Variants in TMED8 observed in about 807,000 individuals in gnomAD.
The protein encoded by TMED8 is transmembrane p24 trafficking protein family member 8.
In TMED8, 15 loss-of-function variants were observed where a neutral mutation model predicts 32.7. The observed-to-expected ratio is 0.46, with a 90% CI of 0.31 to 0.71. The LOEUF is 0.71. TMED8 is among the 30% of genes least tolerant of loss of function. The pLI, the probability that TMED8 is intolerant of heterozygous loss-of-function variation, is 0.06. For synonymous variants in TMED8, 147 were observed against 161.4 expected (o/e 0.91, Z 0.68); for missense variants, 390 against 423.9 (o/e 0.92, Z 0.70).
rs1263086457 is a variant in TMED8, at chr14:77,336,678, G to A, written c.*5093C>T. 6 of 147,960 alleles carry A rather than the reference G, an allele frequency of 4.1e-5. No individual in the cohort carries two copies. In the South Asian group the frequency reaches 6.4e-4, roughly 16 times the overall value. The allele number at this position is 147,960 out of a possible 1,614,324, so 9.2% of individuals were successfully genotyped here. A position where few individuals can be genotyped will look rare whatever the true frequency, so the allele number is the denominator to read the frequency against. ...CCCTAATTTTATTTTGTTTTCCCTC[G>A]TTGTGATCAATTTTAAAAGACAGTT... is the stretch of plus-strand genomic sequence containing the variant. On this transcript the variant is annotated 3_prime_UTR_variant, in exon 6 of 6. Coordinates refer to ENST00000216468, the MANE Select transcript of TMED8 (RefSeq NM_213601.3).
Position 77,343,292 on chromosome 14 carries a change from C to T in TMED8, c.646G>A (p.Gly216Ser). 1 of 1,614,184 alleles carries T rather than the reference C, an allele frequency of 6.2e-7. No individual in the cohort carries two copies. The highest frequency in any genetic ancestry group is 8.5e-7 in the Non-Finnish European group (1 of 1,180,040). ...WEFATDDYDI[G>S]FGVYFDWTPV... ...GTCCAGTCAAAATAAACTCCAAAGC[C>T]AATGTCATAGTCATCGGTCGCAAAC... The change falls in exon 5 of 6, where the codon GGC becomes AGC. Residue 216 changes from glycine (G) to serine (S), a missense_variant. Transcript: ENST00000216468.
At chr14:77,342,984 G>C (rs189525992) in intron 5 of TMED8, among the ~76,000 whole-genome samples, 194 bp downstream of exon 5, 73 of 152,184 alleles carry the variant, frequency 4.8e-4, no homozygotes, top group African/African-American at 1.6e-3. Flanking sequence ...GGAAAAAGAG[G>C]CTTTCTTTCA....
chr14:77,375,250 C>A (rs1303044175), intron 1 of TMED8, among the ~76,000 whole-genome samples: 1 of 151,810 alleles, frequency 6.6e-6, no homozygotes, highest in Non-Finnish European at 1.5e-5. Flanking sequence ...TATCACCCTG[C>A]ATTCTGAGGG....
Position 77,376,956 on chromosome 14 carries a change from C to T in TMED8, c.98G>A (p.Gly33Glu). Residue 33 changes from glycine (G) to glutamate (E), a missense_variant, in exon 1 of 6, where the codon GGG becomes GAG. Gly to Glu is a moderately conservative substitution (Grantham distance 98, BLOSUM62 -2). Coordinates refer to ENST00000216468, the MANE Select transcript of TMED8 (RefSeq NM_213601.3). The surrounding 1 kb of genome is among the most constrained non-coding windows in gnomAD (Gnocchi z 4.0). ...CGTACCTGAGGCGGCCGCCTGGCTCCCCTCCACTCCCTGGCAGTCCCCGAC... is the reference window on the plus strand; with the variant it reads ...CGTACCTGAGGCGGCCGCCTGGCTCTCCTCCACTCCCTGGCAGTCCCCGAC... ...GGVGDCQGVEGSQAAASENED... is the reference protein window; with the variant it reads ...GGVGDCQGVEESQAAASENED... 2 of 1,458,150 alleles carry T rather than the reference C, an allele frequency of 1.4e-6. No homozygotes were observed. The highest frequency in any genetic ancestry group is 1.8e-6 in the Non-Finnish European group (2 of 1,112,888). 90.3% of individuals were successfully genotyped at this position (1,458,150 alleles called of 1,614,324 possible).
At chr14:77,358,353 G>A (rs1034107503) in intron 1 of TMED8, among the ~76,000 whole-genome samples, 6 of 151,520 alleles carry the variant, frequency 4.0e-5, no homozygotes, top group South Asian at 2.1e-4. Flanking sequence ...CCAGGCTAGA[G>A]TGCAGTGGCG....
At position 77,364,303 on chromosome 14, in the gene TMED8, T is replaced by C. The variant is rs1893501986; in HGVS notation, c.119-12552A>G. The stretch of plus-strand genomic sequence containing the variant: ...GCAGCCTTGACCTCTAGGGCTCAAG[T>C]GTAGTTTTGCAATCACAGCTCACTG... On this transcript the variant is annotated intron_variant, in intron 1 of 5. Transcript: ENST00000216468. Among the ~76,000 whole-genome samples, 5 of 152,072 alleles carry C rather than the reference T, an allele frequency of 3.3e-5. No individual in the cohort carries two copies. In the South Asian group the frequency reaches 1.0e-3, roughly 31 times the overall value.
intron 1 of TMED8, among the ~76,000 whole-genome samples, chr14:77,368,665 C>T (rs1408351035): frequency 1.3e-5 from 2 of 152,084 alleles, no homozygotes; most frequent in Non-Finnish European, 2.9e-5. Flanking sequence ...TTAGTAGAGA[C>T]AGGGTTTCAC....
At chr14:77,346,303 T>G (rs76071665) in intron 3 of TMED8, 46 bp downstream of exon 3, 47,105 of 1,604,396 alleles carry the variant, frequency 0.029, 912 homozygotes, top group Non-Finnish European at 0.036. Flanking sequence ...TGTGTCCACA[T>G]TCTGGTGCCT....
At chr14:77,351,455 G>T (rs1182249456) in intron 2 of TMED8, among the ~76,000 whole-genome samples, 2 of 134,244 alleles carry the variant, frequency 1.5e-5, no homozygotes, top group Non-Finnish European at 3.2e-5. Flanking sequence ...TAGAGACGGG[G>T]TTTCACTGTG....
chr14:77,369,758 CTAA>C (rs1231793229), intron 1 of TMED8, among the ~76,000 whole-genome samples: 1 of 152,214 alleles, frequency 6.6e-6, no homozygotes, highest in East Asian at 1.9e-4. Context: ...CCCATATTTT[CTAA>C]TTGTCCCTGA....
intron 1 of TMED8, among the ~76,000 whole-genome samples, 194 bp from the exon 2 acceptor site, chr14:77,351,945 T>A (rs1893189250): frequency 6.6e-6 from 1 of 152,176 alleles, no homozygotes; most frequent in South Asian, 2.1e-4. Context: ...GACAGTCATA[T>A]CTCATTCATA....
intron 1 of TMED8, among the ~76,000 whole-genome samples, chr14:77,371,657 A>C (rs1188702235): frequency 1.3e-5 from 2 of 152,220 alleles, no homozygotes; most frequent in African/African-American, 4.8e-5. Context: ...CAGAAGTATA[A>C]AGTGTGGGAG....
In TMED8 at chr14:77,377,002, G is replaced by T; in HGVS notation, c.52C>A (p.Arg18Ser). The change falls in exon 1 of 6, where the codon CGC becomes AGC. Residue 18 changes from arginine to serine, a missense_variant. Physicochemically the swap from Arg to Ser is moderately radical, Grantham distance 110. Coordinates refer to ENST00000216468, the MANE Select transcript of TMED8 (RefSeq NM_213601.3). ...EGPGSWSPTA[R>S]PGSAGGVGDC... ...CCGACGCCGCCAGCCGACCCTGGGC[G>T]GGCTGTGGGGCTCCAGGAGCCCGGC... is the stretch of plus-strand genomic sequence containing the variant. 1.4e-6 allele frequency: 2 copies of T among 1,425,720 alleles called. No individual in the cohort carries two copies. Among genetic ancestry groups the T allele is most frequent in the Non-Finnish European group, 9.1e-7 (1 of 1,099,388 alleles). The allele number at this position is 1,425,720 out of a possible 1,614,324, so 88.3% of individuals were successfully genotyped here.
intron 1 of TMED8, among the ~76,000 whole-genome samples, chr14:77,375,765 G>A (rs920987862): frequency 1.6e-4 from 25 of 152,146 alleles, no homozygotes; most frequent in Admixed American, 1.4e-3. Context: ...CACCTCTGGC[G>A]GCACAGGAAG....
intron 5 of TMED8, 31 bp from the exon 6 acceptor site, chr14:77,342,019 G>A (rs1892916142): frequency 1.2e-6 from 2 of 1,602,418 alleles, no homozygotes; most frequent in East Asian, 4.5e-5. Flanking sequence ...AGTGTTCAGA[G>A]ACTGCGTAAG....
chr14:77,358,540 G>T (rs1332076668), intron 1 of TMED8, among the ~76,000 whole-genome samples: 1 of 152,048 alleles, frequency 6.6e-6, no homozygotes, highest in African/African-American at 2.4e-5. Flanking sequence ...CTCGTGATCT[G>T]CCCGCCTCAG....
chr14:77,366,955 C>A (rs923842210), intron 1 of TMED8, among the ~76,000 whole-genome samples: 2 of 151,994 alleles, frequency 1.3e-5, no homozygotes, highest in African/African-American at 4.8e-5. Context: ...TTTTAAAAAC[C>A]TTTTCTAGGC....
At chr14:77,368,502 G>A (rs1893605630) in intron 1 of TMED8, among the ~76,000 whole-genome samples, 1 of 152,022 alleles carries the variant, frequency 6.6e-6, no homozygotes, top group African/African-American at 2.4e-5. Flanking sequence ...TTTTGAGACG[G>A]AGTCTCACTC....
chr14:77,349,628 G>T lies in TMED8; in HGVS notation c.197+2045C>A, dbSNP rs1406707613. 2.6e-5 allele frequency among the ~76,000 whole-genome samples: 4 copies of T among 152,098 alleles called. No individual in the cohort carries two copies. In the East Asian group the frequency reaches 7.7e-4, roughly 29 times the overall value. ...GTTAACTGAAGACTTCCTTCCTGCA[G>T]GTTTTCTGCTGAGAGGTTTCTCAGA... On this transcript the variant is annotated intron_variant, in intron 2 of 5. Coordinates refer to ENST00000216468, the MANE Select transcript of TMED8 (RefSeq NM_213601.3).
Sources: allele counts gnomAD v4.1 joint callset (sites outside exome capture counted in the v4.1 genomes callset), GRCh38; gene constraint gnomAD v4.1.1; non-coding constraint Gnocchi (gnomAD v3.1); transcripts MANE v1.5; gene names NCBI Gene and HGNC (gene_info 2026-07-23, HGNC 2026-07-21).